Variants in NBAS observed in about 807,000 individuals in gnomAD.
NBAS encodes the protein NBAS subunit of NRZ tethering complex, also known as NAG/BC035112 fusion.
NBAS carries 219 observed loss-of-function variants against 302.5 expected under a neutral mutation model. The observed-to-expected ratio is 0.72, with a 90% CI of 0.65 to 0.81. The LOEUF (loss-of-function observed/expected upper bound fraction) is 0.81, where lower values mean the gene tolerates loss of function less well. NBAS is among the 30% of genes least tolerant of loss of function. The pLI is 0.00. For missense variants in NBAS, 2,932 were observed against 2,841.6 expected (o/e 1.03, Z -0.72); for synonymous variants, 1,118 against 1,021.6 (o/e 1.09, Z -1.80).
the NBAS span, among the ~76,000 whole-genome samples, chr2:15,103,298 C>T: frequency 4.8e-4 from 73 of 152,158 alleles, 1 homozygote; most frequent in African/African-American, 1.8e-3. Flanking sequence ...GATATCTCAC[C>T]TAAAAGTGAA....
chr2:15,299,665 C>T (rs188307263), intron 40 of NBAS, among the ~76,000 whole-genome samples: 356 of 152,210 alleles, frequency 2.3e-3, no homozygotes, highest in Non-Finnish European at 3.7e-3. Context: ...CATTTTTAAC[C>T]GATTTTACCT....
At chr2:15,058,161 T>A in the NBAS span, among the ~76,000 whole-genome samples, 1 of 152,246 alleles carries the variant, frequency 6.6e-6, no homozygotes, top group South Asian at 2.1e-4. Context: ...ATCTTTTGAG[T>A]TTAAAATCAT....
rs181742248 is a variant in NBAS, at chr2:15,369,372, T to G, written c.3704-2679A>C. Among the ~76,000 whole-genome samples the G allele has an allele frequency of 3.9e-3, 597 of 152,308 alleles. 2 individuals carry two copies. The highest frequency in any genetic ancestry group is 0.017 in the Middle Eastern group (5 of 294). ...ATCATGATTTTCTCTAAACTTCCAT[T>G]TAATGGAACACTCAAGTTTGATTAT... On this transcript the variant is annotated intron_variant, in intron 31 of 51. Coordinates refer to ENST00000281513, the MANE Select transcript of NBAS (RefSeq NM_015909.4).
intron 36 of NBAS, among the ~76,000 whole-genome samples, chr2:15,329,330 C>T (rs7602569): frequency 0.032 from 4,857 of 152,252 alleles, 118 homozygotes; most frequent in Non-Finnish European, 0.045. Context: ...TAGGTCTCCT[C>T]TTTCTTCCAC....
intron 21 of NBAS, among the ~76,000 whole-genome samples, chr2:15,458,221 A>G (rs1208080094): frequency 3.3e-5 from 5 of 152,202 alleles, no homozygotes; most frequent in African/African-American, 1.2e-4. Context: ...GAAAATAAAG[A>G]AAGAATTATG....
chr2:14,867,399 GT>G, the NBAS span, among the ~76,000 whole-genome samples: 1 of 152,124 alleles, frequency 6.6e-6, no homozygotes, highest in Non-Finnish European at 1.5e-5. Flanking sequence ...TTCTCTTGGG[GT>G]AAGACCTGAG....
At chr2:14,888,363 T>C in the NBAS span, among the ~76,000 whole-genome samples, 1 of 152,140 alleles carries the variant, frequency 6.6e-6, no homozygotes, top group South Asian at 2.1e-4. Context: ...ACTCCAGACC[T>C]CAAGTGATCC....
the NBAS span, among the ~76,000 whole-genome samples, chr2:15,007,018 T>A: frequency 1.3e-5 from 2 of 152,222 alleles, no homozygotes; most frequent in Non-Finnish European, 2.9e-5. Context: ...TTCTTTGTCA[T>A]CATTAAGGTA....
intron 9 of NBAS, among the ~76,000 whole-genome samples, chr2:15,522,905 G>T (rs1285175111): frequency 6.6e-6 from 1 of 152,094 alleles, no homozygotes; most frequent in African/African-American, 2.4e-5. Context: ...GTAAGCTAAA[G>T]AAATGAAAAT....
intron 16 of NBAS, among the ~76,000 whole-genome samples, chr2:15,470,394 G>C (rs1393048246): frequency 6.6e-6 from 1 of 152,154 alleles, no homozygotes; most frequent in African/African-American, 2.4e-5. Flanking sequence ...ATGTTTCCCA[G>C]TGTTCACTAT....
At chr2:15,073,843 T>A in the NBAS span, among the ~76,000 whole-genome samples, 1 of 152,218 alleles carries the variant, frequency 6.6e-6, no homozygotes, top group African/African-American at 2.4e-5. Context: ...TGATATATCA[T>A]CGTGTTAATC....
chr2:15,064,128 TCTC>T, the NBAS span, among the ~76,000 whole-genome samples: 1 of 151,538 alleles, frequency 6.6e-6, no homozygotes, highest in South Asian at 2.1e-4. Flanking sequence ...GGTATTGAAG[TCTC>T]CTACAAACTG....
the NBAS span, among the ~76,000 whole-genome samples, chr2:15,154,215 A>G: frequency 6.6e-6 from 1 of 152,252 alleles, no homozygotes; most frequent in Non-Finnish European, 1.5e-5. Flanking sequence ...CTCTAGGTCC[A>G]GAGACAGTCA....
At chr2:15,388,170 G>C (rs972754524) in intron 28 of NBAS, among the ~76,000 whole-genome samples, 9 of 152,112 alleles carry the variant, frequency 5.9e-5, no homozygotes, top group Admixed American at 2.0e-4. Context: ...CATTTCTTCA[G>C]ATCTTTAATG....
At chr2:14,949,778 G>A in the NBAS span, among the ~76,000 whole-genome samples, 1 of 152,118 alleles carries the variant, frequency 6.6e-6, no homozygotes, top group Non-Finnish European at 1.5e-5. Context: ...TTTGTTAAGA[G>A]AAATAAGCCA....
intron 29 of NBAS, among the ~76,000 whole-genome samples, chr2:15,382,923 T>C (rs1675112351): frequency 6.6e-6 from 1 of 152,158 alleles, no homozygotes; most frequent in South Asian, 2.1e-4. Context: ...TCAGATGCAT[T>C]AGACAAGTGT....
At chr2:14,836,655 G>T in the NBAS span, among the ~76,000 whole-genome samples, 2 of 151,920 alleles carry the variant, frequency 1.3e-5, no homozygotes, top group Non-Finnish European at 2.9e-5. Flanking sequence ...ATATCTAGCA[G>T]AAGATATATT....
intron 32 of NBAS, among the ~76,000 whole-genome samples, chr2:15,357,573 C>T (rs1412443774): frequency 6.6e-6 from 1 of 152,102 alleles, no homozygotes; most frequent in African/African-American, 2.4e-5. Flanking sequence ...CTATGTTGCC[C>T]AGGCTGGTCT....
chr2:15,384,561 G>A (rs1675197342), intron 28 of NBAS, among the ~76,000 whole-genome samples: 2 of 149,100 alleles, frequency 1.3e-5, no homozygotes, highest in South Asian at 4.2e-4. Context: ...TTCAACAAAT[G>A]TGAATGAATG....
Sources: gnomAD v4.1 joint callset for allele counts (sites outside exome capture counted in the v4.1 genomes callset) on GRCh38, gnomAD v4.1.1 for gene constraint, MANE v1.5 for transcripts, NCBI Gene and HGNC (gene_info 2026-07-23, HGNC 2026-07-21) for gene names.